OPN3: variants seen among roughly 807,000 people sequenced by gnomAD.
OPN3 encodes the protein opsin-3.
OPN3 carries 29 observed loss-of-function variants against 33.8 expected under a neutral mutation model. The observed-to-expected ratio is 0.86, with a 90% confidence interval of 0.64 to 1.17. The LOEUF is 1.17. Among genes scored for constraint, OPN3 ranks in the 50% most tolerant of loss-of-function variants. OPN3 has a pLI of 0.00. For missense variants in OPN3, 437 were observed against 514.1 expected (o/e 0.85, Z 1.45); for synonymous variants, 216 against 216.1 (o/e 1.00, Z 0.00).
intron 1 of OPN3, chr1:241,634,153 T>C: frequency 6.2e-7 from 1 of 1,613,614 alleles, no homozygotes; most frequent in Non-Finnish European, 8.5e-7. Flanking sequence ...CTTCCTCGTT[T>C]ATTTCTGTTT....
chr1:241,607,599 A>T (rs10802972), intron 1 of OPN3, among the ~76,000 whole-genome samples: 1 of 149,772 alleles, frequency 6.7e-6, no homozygotes, highest in East Asian at 2.0e-4. Context: ...AAAGGAAGAA[A>T]GAGAGAAAGG....
intron 1 of OPN3, among the ~76,000 whole-genome samples, chr1:241,621,411 G>A (rs1481899848): frequency 1.3e-5 from 2 of 152,184 alleles, no homozygotes; most frequent in Admixed American, 6.5e-5. Context: ...TGAACAAGAG[G>A]TGACAGCTAA....
At chr1:241,600,120 A>G (rs1225406525) in intron 2 of OPN3, among the ~76,000 whole-genome samples, 1 of 152,198 alleles carries the variant, frequency 6.6e-6, no homozygotes, top group East Asian at 1.9e-4. Flanking sequence ...TCAAAGGAGA[A>G]CACTCATTTA....
chr1:241,623,510 A>G (rs1355348125), intron 1 of OPN3, among the ~76,000 whole-genome samples: 1 of 152,210 alleles, frequency 6.6e-6, no homozygotes, highest in African/African-American at 2.4e-5. Flanking sequence ...AGTAGTCAGA[A>G]TTCCTTAGAA....
chr1:241,633,828 G>C lies in OPN3; in HGVS notation c.373+6054C>G. The C allele has an allele frequency of 6.2e-7, 1 of 1,613,772 alleles. No individual in the cohort carries two copies. Among genetic ancestry groups the C allele is most frequent in the Non-Finnish European group, 8.5e-7 (1 of 1,179,734 alleles). On this transcript the variant is annotated intron_variant, in intron 1 of 3. Transcript: ENST00000366554. The stretch of plus-strand genomic sequence containing the variant: ...TGAAGGTGCTTCTCTGGGCTTTCTA[G>C]GTTTTTGCTTTCCTCAGAGGATTCT...
At chr1:241,613,097 A>C (rs671989) in intron 1 of OPN3, among the ~76,000 whole-genome samples, 2 of 152,016 alleles carry the variant, frequency 1.3e-5, no homozygotes, top group Admixed American at 6.6e-5. Flanking sequence ...GCAAGTAACC[A>C]ATTCTTCTTT....
At chr1:241,612,950 G>A (rs986164243) in intron 1 of OPN3, among the ~76,000 whole-genome samples, 7 of 152,054 alleles carry the variant, frequency 4.6e-5, no homozygotes, top group Non-Finnish European at 7.3e-5. Flanking sequence ...CCATCTCATC[G>A]CTCAGCACCC....
At chr1:241,615,492 A>G (rs907685809) in intron 1 of OPN3, among the ~76,000 whole-genome samples, 1 of 151,568 alleles carries the variant, frequency 6.6e-6, no homozygotes, top group African/African-American at 2.4e-5. Context: ...TCTATCCCCT[A>G]TCTCGTATTT....
intron 1 of OPN3, among the ~76,000 whole-genome samples, chr1:241,618,585 G>A (rs1375108657): frequency 1.3e-5 from 2 of 152,192 alleles, no homozygotes; most frequent in African/African-American, 2.4e-5. Context: ...CACACCAAGA[G>A]GTGCAGCGCA....
In OPN3 at chr1:241,635,104, TTGAGAG is replaced by T. The variant is rs763139904; in HGVS notation, c.373+4772_373+4777del. ...TAAACCTCCTGCCTTCTTTAACTAT[TTGAGAG>T]TAAGTAATCCTATTTCTAATTGGTT... On this transcript the variant is annotated intron_variant, in intron 1 of 3. Transcript: ENST00000366554. 4.5e-5 allele frequency: 73 copies of T among 1,612,772 alleles called. 1 individual carries two copies. The South Asian group carries it at 7.5e-4, about 16-fold the overall frequency.
chr1:241,596,163 G>A (rs146108238), intron 3 of OPN3, among the ~76,000 whole-genome samples: 1 of 152,300 alleles, frequency 6.6e-6, no homozygotes, highest in African/African-American at 2.4e-5. Context: ...TAGCCCATTG[G>A]CTGAGAGAAA....
At chr1:241,613,341 T>C (rs1051146858) in intron 1 of OPN3, among the ~76,000 whole-genome samples, 2 of 152,172 alleles carry the variant, frequency 1.3e-5, no homozygotes, top group East Asian at 3.9e-4. Context: ...GAGGCAATAA[T>C]GGTTTAGTCA....
intron 3 of OPN3, among the ~76,000 whole-genome samples, chr1:241,597,527 A>C (rs604498): frequency 0.14 from 21,482 of 152,172 alleles, 2,352 homozygotes; most frequent in African/African-American, 0.27. Context: ...GTTTTACTAG[A>C]ATTCTACCTA....
At chr1:241,599,039 G>A (rs1461538738) in intron 2 of OPN3, among the ~76,000 whole-genome samples, 1 of 152,010 alleles carries the variant, frequency 6.6e-6, no homozygotes, top group East Asian at 1.9e-4. Flanking sequence ...TTTAGAACAT[G>A]TGCTTAGATT....
chr1:241,634,126 T>G (rs759888314), intron 1 of OPN3: 1 of 1,612,738 alleles, frequency 6.2e-7, no homozygotes. Context: ...CCCACAAGAG[T>G]CTTGGCTTTG....
intron 1 of OPN3, among the ~76,000 whole-genome samples, chr1:241,605,233 CTT>C (rs1663795904): frequency 2.6e-5 from 4 of 151,978 alleles, no homozygotes; most frequent in Admixed American, 2.6e-4. Flanking sequence ...GCAAGTGTCT[CTT>C]TTAGTTTACC....
At chr1:241,618,029 A>G (rs531867837) in intron 1 of OPN3, among the ~76,000 whole-genome samples, 1 of 152,296 alleles carries the variant, frequency 6.6e-6, no homozygotes, top group East Asian at 1.9e-4. Flanking sequence ...ATAAAAATAA[A>G]AAAAAGAAGG....
At chr1:241,607,230 T>C (rs768907948) in intron 1 of OPN3, among the ~76,000 whole-genome samples, 1 of 152,030 alleles carries the variant, frequency 6.6e-6, no homozygotes, top group East Asian at 1.9e-4. Flanking sequence ...AATAATGGTA[T>C]AAGGCTGGGC....
intron 1 of OPN3, among the ~76,000 whole-genome samples, chr1:241,639,430 A>G (rs1224651047): frequency 6.6e-6 from 1 of 152,190 alleles, no homozygotes; most frequent in Non-Finnish European, 1.5e-5. Context: ...ATAGTAGTAC[A>G]TGAATCTAAT....
Sources: gnomAD v4.1 joint callset for allele counts (sites outside exome capture counted in the v4.1 genomes callset) on GRCh38, gnomAD v4.1.1 for gene constraint, MANE v1.5 for transcripts, NCBI Gene and HGNC (gene_info 2026-07-23, HGNC 2026-07-21) for gene names.